Variants in B4GALNT3 observed in about 807,000 individuals in gnomAD.
B4GALNT3 encodes the protein beta-1,4-N-acetyl-galactosaminyltransferase 3, also known as beta-1,4-N-acetylgalactosaminyltransferase 3.
In B4GALNT3, 86 loss-of-function variants were observed where a neutral mutation model predicts 120.2. The ratio of observed to expected loss-of-function variants is 0.72; its 90% CI spans 0.60 to 0.86. The LOEUF (loss-of-function observed/expected upper bound fraction) is 0.86. B4GALNT3 is among the 40% of genes least tolerant of loss of function. The pLI, the probability that B4GALNT3 is intolerant of heterozygous loss-of-function variation, is 0.00. For missense variants in B4GALNT3, 1,167 were observed against 1,298.9 expected, an observed-to-expected ratio of 0.90 and a Z score of 1.56; for synonymous variants, 518 against 510.4, an observed-to-expected ratio of 1.01 and a Z score of -0.20.
intron 1 of B4GALNT3, among the ~76,000 whole-genome samples, chr12:516,135 G>C (rs186858331): frequency 1.4e-5 from 2 of 144,248 alleles, no homozygotes. Context: ...GACAGAGCGA[G>C]ACTCCGTCTC....
chr12:461,350 CT>C (rs1326228413), intron 1 of B4GALNT3, among the ~76,000 whole-genome samples: 2 of 152,178 alleles, frequency 1.3e-5, no homozygotes, highest in African/African-American at 4.8e-5. Flanking sequence ...CCTCAGTTTC[CT>C]CCTAGGAAAA....
chr12:512,334 T>TCGAGCTTCCA (rs1946591224), intron 1 of B4GALNT3, among the ~76,000 whole-genome samples: 1 of 122,420 alleles, frequency 8.2e-6, no homozygotes, highest in Non-Finnish European at 1.7e-5. Context: ...CCTTCCACCT[T>TCGAGCTTCCA]CCTTCCACCT....
In B4GALNT3 at chr12:534,075, G is replaced by A. The variant is rs570626893; in HGVS notation, c.170-1091G>A. On this transcript the variant is annotated intron_variant, in intron 1 of 19. Coordinates refer to ENST00000266383, the MANE Select transcript of B4GALNT3 (RefSeq NM_173593.4). The stretch of plus-strand genomic sequence containing the variant: ...TAATTCCGTCTAAGCAGTGCCCAGC[G>A]CAGCATCCTGGGGACATCGTGGTGA... Among the ~76,000 whole-genome samples the A allele has an allele frequency of 7.2e-5, 11 of 152,328 alleles. No homozygotes were observed. In the South Asian group the frequency reaches 8.3e-4, roughly 11 times the overall value.
intron 1 of B4GALNT3, among the ~76,000 whole-genome samples, chr12:483,469 G>A (rs1439152487): frequency 6.6e-6 from 1 of 152,182 alleles, no homozygotes; most frequent in Non-Finnish European, 1.5e-5. Flanking sequence ...GGCCAAGGCA[G>A]ATGAATCATT....
At chr12:542,480 G>A (rs188946276) in intron 3 of B4GALNT3, among the ~76,000 whole-genome samples, 7 of 152,334 alleles carry the variant, frequency 4.6e-5, no homozygotes, top group Admixed American at 6.5e-5. Flanking sequence ...TGGGCATGGC[G>A]GGGAGGCCAG....
intron 1 of B4GALNT3, among the ~76,000 whole-genome samples, chr12:510,519 A>C (rs1377649420): frequency 1.7e-5 from 2 of 118,400 alleles, no homozygotes; most frequent in African/African-American, 2.8e-5. Context: ...TTCAAGAGCA[A>C]GTCAGACTCT....
intron 3 of B4GALNT3, among the ~76,000 whole-genome samples, chr12:539,255 A>C (rs547907261): frequency 6.6e-6 from 1 of 152,312 alleles, no homozygotes; most frequent in East Asian, 1.9e-4. Context: ...TGTTCACACC[A>C]ACACTGATCA....
intron 11 of B4GALNT3, among the ~76,000 whole-genome samples, chr12:551,294 A>G (rs984710418): frequency 1.3e-5 from 2 of 152,198 alleles, no homozygotes; most frequent in African/African-American, 4.8e-5. Context: ...CCCCGTGATG[A>G]TATCAGGTGG....
chr12:553,448 C>G lies in B4GALNT3; in HGVS notation c.1525C>G (p.Gln509Glu). 1 of 1,614,152 alleles carries G rather than the reference C, an allele frequency of 6.2e-7. No individual in the cohort carries two copies. Among genetic ancestry groups the G allele is most frequent in the Non-Finnish European group, 8.5e-7 (1 of 1,180,044 alleles). ...AGGGAGGACCAGCCACATTCCAGTGCAGCAGCCAGAGAAGAGGAAGCAAAA... is the reference window on the plus strand; with the variant it reads ...AGGGAGGACCAGCCACATTCCAGTGGAGCAGCCAGAGAAGAGGAAGCAAAA... Reference protein sequence around the residue: ...FPGRTSHIPVQQPEKRKQKPS... With the variant: ...FPGRTSHIPVEQPEKRKQKPS... The change falls in exon 14 of 20, where the codon CAG (glutamine) becomes GAG (glutamate). Residue 509 changes from glutamine to glutamate, a missense_variant. Coordinates refer to ENST00000266383, the MANE Select transcript of B4GALNT3 (RefSeq NM_173593.4).
At position 561,692 on chromosome 12, in the gene B4GALNT3, C is replaced by T. The variant is rs1947233968; in HGVS notation, c.*241C>T. 2.0e-6 allele frequency: 1 copy of T among 500,702 alleles called. No individual in the cohort carries two copies. The highest frequency in any genetic ancestry group is 3.6e-6 in the Non-Finnish European group (1 of 277,592). 31.0% of individuals were successfully genotyped at this position (500,702 alleles called of 1,614,324 possible). On this transcript the variant is annotated 3_prime_UTR_variant, in exon 20 of 20. Transcript: ENST00000266383. Reference sequence around the variant, plus strand: ...GAGAGAGGCCAGGAGGGACCACTTGCTCAGTCGAGAACGGGAAGAGCTCCT... The same window carrying T: ...GAGAGAGGCCAGGAGGGACCACTTGTTCAGTCGAGAACGGGAAGAGCTCCT...
At chr12:538,327 T>G (rs921455179) in intron 3 of B4GALNT3, among the ~76,000 whole-genome samples, 2 of 151,086 alleles carry the variant, frequency 1.3e-5, no homozygotes, top group Non-Finnish European at 2.9e-5. Context: ...GAAGCCGAGG[T>G]GGGAGGATTG....
At chr12:468,482 T>G (rs989781933) in intron 1 of B4GALNT3, among the ~76,000 whole-genome samples, 1 of 152,212 alleles carries the variant, frequency 6.6e-6, no homozygotes. Flanking sequence ...TGAGCCACTT[T>G]TGTTGAAAAC....
intron 1 of B4GALNT3, among the ~76,000 whole-genome samples, chr12:492,568 C>A (rs906107936): frequency 6.6e-6 from 1 of 152,200 alleles, no homozygotes; most frequent in Non-Finnish European, 1.5e-5. Context: ...TCAATGCAAT[C>A]CCAATCAAAA....
intron 1 of B4GALNT3, among the ~76,000 whole-genome samples, chr12:510,541 T>G (rs1946537808): frequency 8.0e-6 from 1 of 125,772 alleles, no homozygotes. Context: ...GTGAGCTGTT[T>G]ACCCGCCTCA....
chr12:561,287 G>C, intron 19 of B4GALNT3, 56 bp from the exon 20 acceptor site: 2 of 1,409,422 alleles, frequency 1.4e-6, no homozygotes, highest in Non-Finnish European at 2.0e-6. Flanking sequence ...ATGGGGAGGG[G>C]CCCCCCAGCT....
At chr12:492,844 C>G (rs1946355861) in intron 1 of B4GALNT3, among the ~76,000 whole-genome samples, 1 of 148,150 alleles carries the variant, frequency 6.7e-6, no homozygotes, top group African/African-American at 2.5e-5. Flanking sequence ...GATAGAAAAG[C>G]AAAGACATGC....
chr12:557,003 T>C, intron 15 of B4GALNT3, 137 bp downstream of exon 15: 1 of 949,884 alleles, frequency 1.1e-6, no homozygotes, highest in Non-Finnish European at 1.5e-6. Context: ...AAACTGAGGC[T>C]CACAAAAGGA....
In B4GALNT3 at chr12:559,280, C is replaced by T; in HGVS notation, c.2762-15C>T. On this transcript the variant is annotated splice_polypyrimidine_tract_variant and intron_variant, in intron 18 of 19. Coordinates refer to ENST00000266383, the MANE Select transcript of B4GALNT3 (RefSeq NM_173593.4). ...CCTCTGGCTCATCTCACCCGAAGCT[C>T]CTGTCTGTCCACAGGCTACTGGGAG... 1 of 1,613,844 alleles carries T rather than the reference C, an allele frequency of 6.2e-7. No homozygotes were observed. Among genetic ancestry groups the T allele is most frequent in the East Asian group, 2.2e-5 (1 of 44,864 alleles).
intron 1 of B4GALNT3, among the ~76,000 whole-genome samples, chr12:524,718 G>A (rs906684672): frequency 6.6e-6 from 1 of 152,012 alleles, no homozygotes; most frequent in Non-Finnish European, 1.5e-5. Flanking sequence ...TGTAGTTCTT[G>A]GGCAGATATG....
Sources: gnomAD v4.1 joint callset for allele counts (sites outside exome capture counted in the v4.1 genomes callset) on GRCh38, gnomAD v4.1.1 for gene constraint, MANE v1.5 for transcripts, NCBI Gene and HGNC (gene_info 2026-07-23, HGNC 2026-07-21) for gene names.